The following RBFOX1 variants were observed in gnomAD, a reference collection of about 807,000 sequenced individuals.
RBFOX1 encodes the protein RNA binding fox-1 homolog 1, also known as RNA binding protein fox-1 homolog 1.
A neutral mutation model predicts 57.7 loss-of-function variants in RBFOX1; 8 were observed. The ratio of observed to expected loss-of-function variants is 0.14; its 90% CI spans 0.08 to 0.25. The LOEUF is 0.25. Ranked by LOEUF, RBFOX1 falls within the 10% of genes least tolerant of loss-of-function variation. The pLI is 1.00. For missense variants in RBFOX1, 611 were observed against 548.5 expected (o/e 1.11, Z -1.14); for synonymous variants, 326 against 222.4 (o/e 1.47, Z -4.15).
rs182322646 is a variant in RBFOX1, at chr16:7,353,031, T to C, written c.28-165116T>C. On this transcript the variant is annotated intron_variant, in intron 4 of 15. Transcript: ENST00000550418. ...GCACCCAGCCCATACCACTTTTCCA[T>C]ATGGCTTCAGGTTACAGGTTTGTGC... Among the ~76,000 whole-genome samples, 249 of 152,256 alleles carry C rather than the reference T, an allele frequency of 1.6e-3. 1 individual carries two copies. The highest frequency in any genetic ancestry group is 5.8e-3 in the African/African-American group (242 of 41,546).
rs557814412 is a variant in RBFOX1 at position 5,539,742 on chromosome 16, C to T, written c.259-59160C>T. Among the ~76,000 whole-genome samples, 3 of 152,294 alleles carry T rather than the reference C, an allele frequency of 2.0e-5. No homozygotes were observed. The East Asian group carries it at 5.8e-4, about 29-fold the overall frequency. ...TCCCTCCCCCACACCATTGTGTTCT[C>T]ATGTTGGGCCATATGAAAGAAACTA... is the stretch of plus-strand genomic sequence containing the variant. On this transcript the variant is annotated intron_variant, in intron 2 of 2. Transcript: ENST00000585867.
chr16:6,953,255 C>T (rs1490883081), intron 3 of RBFOX1, among the ~76,000 whole-genome samples: 2 of 152,202 alleles, frequency 1.3e-5, no homozygotes, highest in Admixed American at 1.3e-4. Context: ...TCAAATAAAA[C>T]CTTAAGTTCA....
chr16:7,151,054 C>T (rs1055441989), intron 4 of RBFOX1, among the ~76,000 whole-genome samples: 1 of 152,168 alleles, frequency 6.6e-6, no homozygotes, highest in African/African-American at 2.4e-5. Context: ...CAGAAGTTCT[C>T]TCCCTCAAAT....
intron 1 of RBFOX1, among the ~76,000 whole-genome samples, chr16:6,138,257 G>T (rs2096683665): frequency 6.6e-6 from 1 of 152,198 alleles, no homozygotes; most frequent in Admixed American, 6.5e-5. Flanking sequence ...TTGCCTTTCT[G>T]GCAACTCTAA....
chr16:6,819,655 G>C (rs747450943), intron 3 of RBFOX1, among the ~76,000 whole-genome samples: 3 of 130,550 alleles, frequency 2.3e-5, no homozygotes, highest in Non-Finnish European at 4.6e-5. Flanking sequence ...CAGTGAGCCA[G>C]GATCAAGGCA....
chr16:5,460,104 T>C (rs1329750373), intron 1 of RBFOX1, among the ~76,000 whole-genome samples: 1 of 151,910 alleles, frequency 6.6e-6, no homozygotes, highest in Non-Finnish European at 1.5e-5. Flanking sequence ...AAAGTCGGCA[T>C]GTTTTTAGTG....
intron 4 of RBFOX1, among the ~76,000 whole-genome samples, chr16:7,352,277 C>T (rs1048476835): frequency 1.4e-4 from 21 of 152,150 alleles, no homozygotes; most frequent in African/African-American, 4.6e-4. Context: ...AATCTTTGCA[C>T]GTGTCTTTAA....
intron 1 of RBFOX1, among the ~76,000 whole-genome samples, chr16:5,385,332 C>G (rs1276299941): frequency 6.6e-6 from 1 of 152,178 alleles, no homozygotes; most frequent in Non-Finnish European, 1.5e-5. Flanking sequence ...TACTATTTAC[C>G]TGTGTACTTG....
At chr16:5,347,501 A>G (rs888471793) in intron 1 of RBFOX1, among the ~76,000 whole-genome samples, 1 of 152,122 alleles carries the variant, frequency 6.6e-6, no homozygotes, top group African/African-American at 2.4e-5. Context: ...GGATCATGTC[A>G]TGTGTCTTCT....
intron 3 of RBFOX1, among the ~76,000 whole-genome samples, chr16:5,832,975 C>A (rs1044206398): frequency 2.0e-5 from 3 of 152,112 alleles, no homozygotes; most frequent in Non-Finnish European, 2.9e-5. Context: ...CCTTTTTGGG[C>A]CACAGGTGTT....
chr16:6,394,461 G>T (rs1253865397), intron 2 of RBFOX1, among the ~76,000 whole-genome samples: 1 of 151,710 alleles, frequency 6.6e-6, no homozygotes, highest in Non-Finnish European at 1.5e-5. Flanking sequence ...ATTGCTTCTT[G>T]CAAAGAACCT....
chr16:5,717,689 T>C (rs2051763090), intron 3 of RBFOX1, among the ~76,000 whole-genome samples: 1 of 152,204 alleles, frequency 6.6e-6, no homozygotes, highest in Admixed American at 6.5e-5. Flanking sequence ...AAGGCCAGTA[T>C]ATCATTTCAA....
At chr16:7,180,932 C>T (rs750452196) in intron 4 of RBFOX1, among the ~76,000 whole-genome samples, 4 of 152,278 alleles carry the variant, frequency 2.6e-5, no homozygotes, top group South Asian at 4.1e-4. Context: ...GGGTGGTGGA[C>T]CATACGGTCT....
intron 2 of RBFOX1, among the ~76,000 whole-genome samples, chr16:6,597,907 C>T (rs927814296): frequency 6.6e-6 from 1 of 152,182 alleles, no homozygotes; most frequent in South Asian, 2.1e-4. Context: ...TCAGAACAAA[C>T]ATTTGTTGGG....
chr16:6,547,369 G>A (rs999711884), intron 2 of RBFOX1, among the ~76,000 whole-genome samples: 4 of 152,126 alleles, frequency 2.6e-5, no homozygotes, highest in Non-Finnish European at 4.4e-5. Flanking sequence ...TCTCCTTCCT[G>A]AGGATAATTA....
intron 1 of RBFOX1, among the ~76,000 whole-genome samples, chr16:6,166,793 A>AGATGGAGTCTCACTCTGTTGCCCAG (rs2096920967): frequency 6.6e-6 from 1 of 151,504 alleles, no homozygotes; most frequent in Non-Finnish European, 1.5e-5. Flanking sequence ...GTTTTTTTTG[A>AGATGGAGTCTCACTCTGTTGCCCAG]GATGGAGTCT....
intron 11 of RBFOX1, among the ~76,000 whole-genome samples, chr16:7,649,094 A>C (rs997843582): frequency 2.6e-5 from 4 of 152,182 alleles, no homozygotes; most frequent in African/African-American, 9.7e-5. Flanking sequence ...GTGCAAAGCA[A>C]AAGGAAGCTT....
chr16:6,040,377 G>C (rs2095422930), intron 1 of RBFOX1, among the ~76,000 whole-genome samples: 2 of 152,022 alleles, frequency 1.3e-5, no homozygotes, highest in Admixed American at 1.3e-4. Context: ...TCCTTCCCTA[G>C]TCCCTGGCAA....
In RBFOX1 at chr16:6,951,563, A is replaced by G. The variant is rs76715074; in HGVS notation, c.-15-100494A>G. Reference sequence around the variant, plus strand: ...AGCAGGAATATTGGGGACTACTAAGATCTCTCTTTCTCTCCTTGTACCTTG... The same window carrying G: ...AGCAGGAATATTGGGGACTACTAAGGTCTCTCTTTCTCTCCTTGTACCTTG... On this transcript the variant is annotated intron_variant, in intron 3 of 15. Coordinates refer to ENST00000550418, the MANE Select transcript of RBFOX1 (RefSeq NM_018723.4). Among the ~76,000 whole-genome samples, 787 of 152,006 alleles carry G rather than the reference A, an allele frequency of 5.2e-3. 15 individuals carry two copies. The highest frequency in any genetic ancestry group is 0.018 in the African/African-American group (753 of 41,438).
Sources: gnomAD v4.1 joint callset for allele counts (sites outside exome capture counted in the v4.1 genomes callset) on GRCh38, gnomAD v4.1.1 for gene constraint, MANE v1.5 for transcripts, NCBI Gene and HGNC (gene_info 2026-07-23, HGNC 2026-07-21) for gene names.